The following COL26A1 variants were observed in gnomAD, a reference collection of about 807,000 sequenced individuals.
COL26A1 encodes the protein collagen alpha-1(XXVI) chain.
Under a neutral mutation model 59.3 loss-of-function variants are expected in COL26A1, and 41 were observed. The observed-to-expected ratio is 0.69, with a 90% CI of 0.54 to 0.90. The LOEUF is 0.90. Ranked by LOEUF, COL26A1 falls within the 40% of genes least tolerant of loss-of-function variation. COL26A1 has a pLI of 0.00. For synonymous variants in COL26A1, 266 were observed against 256.0 expected (o/e 1.04, Z -0.37); for missense variants, 612 against 602.3 (o/e 1.02, Z -0.17).
At chr7:101,404,730 T>C (rs1792087540) in intron 1 of COL26A1, among the ~76,000 whole-genome samples, 1 of 152,104 alleles carries the variant, frequency 6.6e-6, no homozygotes, top group Non-Finnish European at 1.5e-5. Context: ...TCTCCCTGTC[T>C]CTACAAAAAC....
At chr7:101,419,948 G>A in intron 1 of COL26A1, 29 bp from the exon 2 acceptor site, 1 of 1,610,850 alleles carries the variant, frequency 6.2e-7, no homozygotes. Flanking sequence ...GAACAGGCAG[G>A]GCTCATGTGA....
chr7:101,467,644 G>A (rs1384489949), intron 3 of COL26A1, among the ~76,000 whole-genome samples: 1 of 145,578 alleles, frequency 6.9e-6, no homozygotes, highest in African/African-American at 2.4e-5. Flanking sequence ...GAGGCGGGCA[G>A]ATCACGAGGT....
At chr7:101,466,633 T>C (rs2130446374) in intron 3 of COL26A1, among the ~76,000 whole-genome samples, 1 of 152,208 alleles carries the variant, frequency 6.6e-6, no homozygotes, top group East Asian at 1.9e-4. Flanking sequence ...GAGGCTGCAG[T>C]GAGCTGTGAT....
At chr7:101,467,694 T>C (rs13237173) in intron 3 of COL26A1, among the ~76,000 whole-genome samples, 40,188 of 151,726 alleles carry the variant, frequency 0.26, 5,704 homozygotes, top group Non-Finnish European at 0.32. Flanking sequence ...GGTGAAACCC[T>C]GTCTCTACTA....
At chr7:101,542,378 G>C (rs1795635645) in intron 5 of COL26A1, among the ~76,000 whole-genome samples, 1 of 152,176 alleles carries the variant, frequency 6.6e-6, no homozygotes, top group South Asian at 2.1e-4. Context: ...TGGAATTACA[G>C]GTGTGAGCTA....
chr7:101,472,391 T>C (rs114775850), intron 3 of COL26A1, among the ~76,000 whole-genome samples: 2,934 of 152,304 alleles, frequency 0.019, 106 homozygotes, highest in African/African-American at 0.066. Context: ...AGGTCTTATT[T>C]AGTTAGTTAA....
At chr7:101,459,073 C>T (rs999163045) in intron 3 of COL26A1, among the ~76,000 whole-genome samples, 9 of 152,132 alleles carry the variant, frequency 5.9e-5, no homozygotes, top group Admixed American at 1.3e-4. Flanking sequence ...CTTGGCCTTC[C>T]GAAGTGCTGG....
chr7:101,484,493 C>A (rs980435852), intron 3 of COL26A1, among the ~76,000 whole-genome samples: 3 of 151,902 alleles, frequency 2.0e-5, no homozygotes, highest in Non-Finnish European at 4.4e-5. Flanking sequence ...GCCTCAGCCT[C>A]CTGAGTTGCT....
At chr7:101,396,469 T>TC (rs1307473747) in intron 1 of COL26A1, among the ~76,000 whole-genome samples, 1 of 151,468 alleles carries the variant, frequency 6.6e-6, no homozygotes, top group East Asian at 1.9e-4. Flanking sequence ...GTTAAGCATT[T>TC]CTTTTTTTTT....
chr7:101,506,063 T>A (rs1361456074), intron 3 of COL26A1, among the ~76,000 whole-genome samples: 1 of 152,154 alleles, frequency 6.6e-6, no homozygotes, highest in Non-Finnish European at 1.5e-5. Flanking sequence ...GCCCTTGAAT[T>A]CTCCTTCTGT....
chr7:101,444,141 G>A (rs1177323849), intron 2 of COL26A1, among the ~76,000 whole-genome samples: 1 of 151,906 alleles, frequency 6.6e-6, no homozygotes, highest in Non-Finnish European at 1.5e-5. Flanking sequence ...GCCTCCCAAA[G>A]TGCTAGGACT....
intron 3 of COL26A1, among the ~76,000 whole-genome samples, chr7:101,516,120 AATGTGTGAT>A (rs1169588548): frequency 1.3e-5 from 2 of 152,194 alleles, no homozygotes; most frequent in African/African-American, 4.8e-5. Context: ...CCACCATTCA[AATGTGTGAT>A]TGTGGCCGTG....
intron 1 of COL26A1, among the ~76,000 whole-genome samples, chr7:101,395,921 A>G (rs901637438): frequency 5.3e-5 from 8 of 151,916 alleles, no homozygotes; most frequent in African/African-American, 1.7e-4. Context: ...TCTGGGAGAA[A>G]ACCTTCTGGA....
At chr7:101,408,521 G>A (rs10230172) in intron 1 of COL26A1, among the ~76,000 whole-genome samples, 15,176 of 152,172 alleles carry the variant, frequency 0.1, 1,172 homozygotes, top group African/African-American at 0.22. Flanking sequence ...GGGGATCTGG[G>A]TGGCACAGCC....
chr7:101,489,842 CT>C (rs1252653956), intron 3 of COL26A1, among the ~76,000 whole-genome samples: 3 of 20,768 alleles, frequency 1.4e-4, no homozygotes, highest in Non-Finnish European at 2.3e-4. Context: ...TTCTTTCTTT[CT>C]TTCTTTCTTT....
chr7:101,367,297 G>T (rs1015601321), intron 1 of COL26A1, among the ~76,000 whole-genome samples: 2 of 152,174 alleles, frequency 1.3e-5, no homozygotes, highest in Non-Finnish European at 2.9e-5. Context: ...TTGGAGGGGG[G>T]ACCTTTGGAG....
chr7:101,373,343 T>C (rs1791237334), intron 1 of COL26A1, among the ~76,000 whole-genome samples: 1 of 152,196 alleles, frequency 6.6e-6, no homozygotes, highest in Admixed American at 6.5e-5. Flanking sequence ...TCTCAGAACA[T>C]TGCAAATTTT....
In COL26A1 at chr7:101,390,155, T is replaced by TTTTTG. The variant is rs1340027399; in HGVS notation, c.158+26969_158+26970insGTTTT. Among the ~76,000 whole-genome samples the TTTTTG allele has an allele frequency of 1.7e-3, 191 of 113,288 alleles. 5 individuals carry two copies. Among genetic ancestry groups the TTTTTG allele is most frequent in the Admixed American group, 6.0e-3 (70 of 11,724 alleles). 74.3% of individuals were successfully genotyped at this position (113,288 alleles called of 152,430 possible). On this transcript the variant is annotated intron_variant, in intron 1 of 12. Transcript: ENST00000313669. Reference sequence around the variant, plus strand: ...TTAGGTCTCATGTTAAGGGTTTTTTTTTTTTTTTTTTTTTTTTTTTGAGAC... The same window carrying TTTTTG: ...TTAGGTCTCATGTTAAGGGTTTTTTTTTTTGTTTTTTTTTTTTTTTTTTTTGAGAC...
chr7:101,430,132 T>C (rs1180619547), intron 2 of COL26A1, among the ~76,000 whole-genome samples: 1 of 152,196 alleles, frequency 6.6e-6, no homozygotes, highest in East Asian at 1.9e-4. Context: ...GCTTTCTTCA[T>C]TGATTTCTTT....
Sources: gnomAD v4.1 joint callset for allele counts (sites outside exome capture counted in the v4.1 genomes callset) on GRCh38, gnomAD v4.1.1 for gene constraint, MANE v1.5 for transcripts, NCBI Gene and HGNC (gene_info 2026-07-23, HGNC 2026-07-21) for gene names.